Variants in TMC3 observed in about 807,000 individuals in gnomAD.
TMC3 encodes transmembrane channel like 3, also known as transmembrane channel-like protein 3.
In TMC3, 98 loss-of-function variants were observed where a neutral mutation model predicts 110.6. The observed-to-expected ratio is 0.89, with a 90% CI of 0.75 to 1.05. The LOEUF (loss-of-function observed/expected upper bound fraction) is 1.05. TMC3 is among the 50% of genes least tolerant of loss of function. The pLI is 0.00. For synonymous variants in TMC3, 489 were observed against 513.1 expected (o/e 0.95, Z 0.63); for missense variants, 1,319 against 1,373.2 (o/e 0.96, Z 0.62).
In TMC3 at chr15:81,368,241, G is replaced by A. The variant is rs1264683800; in HGVS notation, c.312+12C>T. Reference sequence around the variant, plus strand: ...AGCCACCGCGCCCAGCCACATGTGTGTTCTGTATTACCTCTGCACCTGCTG... The same window carrying A: ...AGCCACCGCGCCCAGCCACATGTGTATTCTGTATTACCTCTGCACCTGCTG... On this transcript the variant is annotated intron_variant, in intron 3 of 21. Transcript: ENST00000359440. 6.2e-7 allele frequency: 1 copy of A among 1,611,038 alleles called. No homozygotes were observed. Among genetic ancestry groups the A allele is most frequent in the Admixed American group, 1.7e-5 (1 of 59,970 alleles).
intron 11 of TMC3, among the ~76,000 whole-genome samples, chr15:81,346,926 C>T (rs949309079): frequency 1.3e-5 from 2 of 152,192 alleles, no homozygotes; most frequent in African/African-American, 4.8e-5. Context: ...CAGCAGAATG[C>T]AATTTCAGGA....
chr15:81,373,363 A>G (rs1041358549), intron 1 of TMC3, among the ~76,000 whole-genome samples: 10 of 152,228 alleles, frequency 6.6e-5, no homozygotes, highest in African/African-American at 2.2e-4. Flanking sequence ...ATTTTCCAAC[A>G]TGTAGCAACA....
Position 81,334,899 on chromosome 15 carries a change from C to T in TMC3, c.2280G>A (p.Ala760=), listed in dbSNP as rs749344687. 6.2e-6 allele frequency: 10 copies of T among 1,613,910 alleles called. No individual in the cohort carries two copies. The highest frequency in any genetic ancestry group is 4.5e-5 in the East Asian group (2 of 44,898). Residue 760 remains alanine (A), a synonymous_variant, in exon 21 of 22, where the codon GCG becomes GCA. Coordinates refer to ENST00000359440, the MANE Select transcript of TMC3 (RefSeq NM_001080532.3). ...CGTTGTTTTGGGGTGTGCCCGAGTGCGCTGAGGACAGCTGGCTGGTAAGAT... is the reference window on the plus strand; with the variant it reads ...CGTTGTTTTGGGGTGTGCCCGAGTGTGCTGAGGACAGCTGGCTGGTAAGAT... ...DSDLTSQLSS[A]HSGTPQNNGN... is the part of the protein sequence containing the mutation.
At chr15:81,364,732 T>TA (rs369804224) in intron 3 of TMC3, among the ~76,000 whole-genome samples, 9,933 of 144,776 alleles carry the variant, frequency 0.069, 462 homozygotes, top group East Asian at 0.16. Flanking sequence ...AAAACTGTAA[T>TA]AAAAAAAAAA....
intron 15 of TMC3, among the ~76,000 whole-genome samples, chr15:81,342,364 C>G (rs1307584393): frequency 1.1e-4 from 17 of 152,152 alleles, no homozygotes; most frequent in Admixed American, 1.1e-3. Context: ...GGATGTTAGG[C>G]AAGACACTAA....
rs8037350 is a variant in TMC3, at chr15:81,372,409, G to C, written c.236+182C>G. On this transcript the variant is annotated intron_variant, in intron 2 of 21. Transcript: ENST00000359440. ...ACACACACACACACACACACACACAGAGGAACTGGCTTCTGGACCAGCTAG... is the reference window on the plus strand; with the variant it reads ...ACACACACACACACACACACACACACAGGAACTGGCTTCTGGACCAGCTAG... 3.9e-3 allele frequency among the ~76,000 whole-genome samples: 486 copies of C among 126,040 alleles called. 7 individuals are homozygous for C. The highest frequency in any genetic ancestry group is 0.016 in the Admixed American group (201 of 12,232). 82.7% of individuals were successfully genotyped at this position (126,040 alleles called of 152,430 possible).
chr15:81,371,511 C>CATAGTG (rs1202585501), intron 2 of TMC3, among the ~76,000 whole-genome samples: 4 of 152,200 alleles, frequency 2.6e-5, no homozygotes, highest in African/African-American at 9.7e-5. Context: ...GATGATCAGG[C>CATAGTG]ATAGTGTCTG....
intron 3 of TMC3, 94 bp downstream of exon 3, chr15:81,368,159 T>C: frequency 1.1e-6 from 1 of 883,686 alleles, no homozygotes; most frequent in South Asian, 1.4e-5. Context: ...GGTCTTGATC[T>C]TCTGACCTCG....
At chr15:81,362,941 C>A (rs1894221451) in intron 3 of TMC3, among the ~76,000 whole-genome samples, 1 of 152,134 alleles carries the variant, frequency 6.6e-6, no homozygotes, top group Non-Finnish European at 1.5e-5. Context: ...ATAGAGCTGT[C>A]AGGGATAAGG....
Position 81,333,078 on chromosome 15 carries a change from G to A in TMC3, c.2644C>T (p.Pro882Ser). The A allele has an allele frequency of 6.2e-7, 1 of 1,613,870 alleles. No individual in the cohort carries two copies. Among genetic ancestry groups the A allele is most frequent in the African/African-American group, 1.3e-5 (1 of 75,056 alleles). ...ASTLLAQGPRPHAPRYYVINE... is the reference protein window; with the variant it reads ...ASTLLAQGPRSHAPRYYVINE... ...ATGACATAGTATCTGGGGGCGTGGG[G>A]CCTGGGACCCTGTGCCAGCAAAGTC... Residue 882 changes from proline (P) to serine (S), a missense_variant, in exon 22 of 22, where the codon CCC (proline) becomes TCC (serine). Transcript: ENST00000359440.
At chr15:81,353,364 G>A (rs1229699749) in intron 9 of TMC3, among the ~76,000 whole-genome samples, 4 of 152,182 alleles carry the variant, frequency 2.6e-5, no homozygotes, top group Non-Finnish European at 4.4e-5. Flanking sequence ...TAAATGTACA[G>A]TGTTTATAAA....
intron 16 of TMC3, 23 bp downstream of exon 16, chr15:81,341,367 G>T (rs1893710005): frequency 6.3e-7 from 1 of 1,598,974 alleles, no homozygotes; most frequent in South Asian, 1.1e-5. Flanking sequence ...TTATCTGCAT[G>T]ATCAGATCTT....
At position 81,359,621 on chromosome 15, in the gene TMC3, T is replaced by C. The variant is rs566657167; in HGVS notation, c.395-150A>G. The C allele has an allele frequency of 8.4e-6, 5 of 593,472 alleles. No individual in the cohort carries two copies. In the South Asian group the frequency reaches 1.1e-4, roughly 13 times the overall value. The allele number at this position is 593,472 out of a possible 1,614,324, so 36.8% of individuals were successfully genotyped here. A position where few individuals can be genotyped will look rare whatever the true frequency, so the allele number is the denominator to read the frequency against. The stretch of plus-strand genomic sequence containing the variant: ...ACCAATCGAGGTGTTCCTTCCTAAA[T>C]GTTAACTCAGACAGATCAAGATGCC... On this transcript the variant is annotated intron_variant, in intron 4 of 21. Transcript: ENST00000359440.
At chr15:81,346,626 G>T (rs1893835010) in intron 11 of TMC3, among the ~76,000 whole-genome samples, 183 bp from the exon 12 acceptor site, 1 of 152,194 alleles carries the variant, frequency 6.6e-6, no homozygotes, top group Non-Finnish European at 1.5e-5. Flanking sequence ...CCCTTAGTAG[G>T]TCTGGAAGGG....
At position 81,332,873 on chromosome 15, in the gene TMC3, C is replaced by T; in HGVS notation, c.2849G>A (p.Ser950Asn). Residue 950 changes from serine (S) to asparagine (N), a missense_variant, in exon 22 of 22, where the codon AGC becomes AAC. Physicochemically the swap from Ser to Asn is conservative, Grantham distance 46 (BLOSUM62 1). Coordinates refer to ENST00000359440, the MANE Select transcript of TMC3 (RefSeq NM_001080532.3). ...AAGAGACCGTTTGATCCAATCTCTG[C>T]TTGGCGTCTCCTCCTCTTCTTCACT... Reference protein sequence around the residue: ...QLSEEEEETPSRDWIKRSLPP... With the variant: ...QLSEEEEETPNRDWIKRSLPP... 6.2e-7 allele frequency: 1 copy of T among 1,613,386 alleles called. No individual in the cohort carries two copies. The highest frequency in any genetic ancestry group is 8.5e-7 in the Non-Finnish European group (1 of 1,179,890).
At chr15:81,368,065 G>A (rs1267415658) in intron 3 of TMC3, among the ~76,000 whole-genome samples, 188 bp downstream of exon 3, 1 of 152,140 alleles carries the variant, frequency 6.6e-6, no homozygotes, top group African/African-American at 2.4e-5. Flanking sequence ...CTCCCAAGTA[G>A]CTGGGACTAC....
chr15:81,336,786 C>A, intron 19 of TMC3, 135 bp from the exon 20 acceptor site: 1 of 879,836 alleles, frequency 1.1e-6, no homozygotes, highest in South Asian at 1.5e-5. Flanking sequence ...CTATTGCCCC[C>A]TATGGACGGT....
intron 6 of TMC3, 34 bp from the exon 7 acceptor site, chr15:81,358,325 C>T: frequency 6.3e-7 from 1 of 1,597,784 alleles, no homozygotes; most frequent in African/African-American, 1.3e-5. Context: ...ATTTCTGCTT[C>T]CCGTTCCCAG....
chr15:81,356,442 C>T lies in TMC3; in HGVS notation c.891+5G>A. The T allele has an allele frequency of 1.3e-6, 2 of 1,563,644 alleles. No homozygotes were observed. The highest frequency in any genetic ancestry group is 1.7e-6 in the Non-Finnish European group (2 of 1,154,028). ...CCCGCAGGCTGCACAGGCTCACTCA[C>T]TCACCCTGATGCTGTTCACTATGGC... On this transcript the variant is annotated splice_donor_5th_base_variant and intron_variant, in intron 8 of 21. Coordinates refer to ENST00000359440, the MANE Select transcript of TMC3 (RefSeq NM_001080532.3).
Sources: gnomAD v4.1 joint callset for allele counts (sites outside exome capture counted in the v4.1 genomes callset) on GRCh38, gnomAD v4.1.1 for gene constraint, MANE v1.5 for transcripts, NCBI Gene and HGNC (gene_info 2026-07-23, HGNC 2026-07-21) for gene names.